LARGE1: variants seen among roughly 807,000 people sequenced by gnomAD.
LARGE1 encodes xylosyl- and glucuronyltransferase LARGE1.
Under a neutral mutation model 87.6 loss-of-function variants are expected in LARGE1, and 43 were observed. The observed-to-expected ratio is 0.49, with a 90% CI of 0.38 to 0.63. The LOEUF (loss-of-function observed/expected upper bound fraction) is 0.63. LARGE1 is among the 30% of genes least tolerant of loss of function. The pLI is 0.00. For missense variants in LARGE1, 802 were observed against 1,000.2 expected, an observed-to-expected ratio of 0.80 and a Z score of 2.67; for synonymous variants, 434 against 394.6, an observed-to-expected ratio of 1.10 and a Z score of -1.18.
chr22:33,291,142 C>T (rs747207877), intron 12 of LARGE1, among the ~76,000 whole-genome samples: 45 of 152,220 alleles, frequency 3.0e-4, no homozygotes, highest in Non-Finnish European at 2.2e-4. Flanking sequence ...CATGTCACAA[C>T]GCTGGCCAAT....
chr22:33,261,611 A>AG (rs5845076), intron 11 of LARGE1, among the ~76,000 whole-genome samples: 2 of 64,376 alleles, frequency 3.1e-5, no homozygotes, highest in Non-Finnish European at 5.0e-5. Flanking sequence ...ATCAAAAAAG[A>AG]AAAAAAAAAA....
intron 13 of LARGE1, among the ~76,000 whole-genome samples, chr22:33,279,895 C>G (rs777760175): frequency 6.6e-6 from 1 of 152,200 alleles, no homozygotes; most frequent in South Asian, 2.1e-4. Flanking sequence ...ATGGAGCCAT[C>G]AGGCCAGGGT....
chr22:33,761,511 G>C lies in LARGE1; in HGVS notation c.-35C>G, dbSNP rs374685017. 6.5e-7 allele frequency: 1 copy of C among 1,538,338 alleles called. No homozygotes were observed. Among genetic ancestry groups the C allele is most frequent in the Non-Finnish European group, 9.0e-7 (1 of 1,111,532 alleles). ...AGTGGCAATCCCTAATCCCAGCGCCGTTTCTCTGTCCGGAGCATGAAGTCC... is the reference window on the plus strand; with the variant it reads ...AGTGGCAATCCCTAATCCCAGCGCCCTTTCTCTGTCCGGAGCATGAAGTCC... On this transcript the variant is annotated 5_prime_UTR_variant, in exon 2 of 15. Coordinates refer to ENST00000397394, the MANE Select transcript of LARGE1 (RefSeq NM_133642.5).
rs531988422 is a variant in LARGE1, at chr22:33,907,394, G to A, written c.-83+12601C>T. On this transcript the variant is annotated intron_variant, in intron 1 of 14. Transcript: ENST00000397394. The stretch of plus-strand genomic sequence containing the variant: ...GTACAAATTTATTCGATCCTCCCTA[G>A]CCAGTCCCCATCACCGTCTGATAAT... Among the ~76,000 whole-genome samples the A allele has an allele frequency of 1.1e-4, 17 of 152,228 alleles. No homozygotes were observed. In the East Asian group the frequency reaches 3.3e-3, roughly 29 times the overall value.
At chr22:33,226,870 C>T (rs959965260) in intron 11 of LARGE1, among the ~76,000 whole-genome samples, 8 of 152,080 alleles carry the variant, frequency 5.3e-5, no homozygotes, top group African/African-American at 1.4e-4. Flanking sequence ...GCTGGGACTA[C>T]AGGCGCCTGC....
At chr22:33,651,006 G>C (rs923003929) in intron 2 of LARGE1, among the ~76,000 whole-genome samples, 2 of 151,576 alleles carry the variant, frequency 1.3e-5, no homozygotes, top group African/African-American at 2.4e-5. Context: ...ATACAAAGTG[G>C]GCGGATTGGG....
At chr22:33,546,161 G>A (rs754389385) in intron 6 of LARGE1, among the ~76,000 whole-genome samples, 1 of 152,190 alleles carries the variant, frequency 6.6e-6, no homozygotes, top group Non-Finnish European at 1.5e-5. Flanking sequence ...GCATGGCACA[G>A]CACGCTAAAT....
At chr22:33,652,404 G>A (rs1175647137) in intron 2 of LARGE1, among the ~76,000 whole-genome samples, 2 of 151,780 alleles carry the variant, frequency 1.3e-5, no homozygotes, top group African/African-American at 4.8e-5. Flanking sequence ...CATCTCCCAA[G>A]GATACTTATA....
intron 6 of LARGE1, among the ~76,000 whole-genome samples, chr22:33,552,334 T>G (rs2077551012): frequency 6.6e-6 from 1 of 152,102 alleles, no homozygotes; most frequent in African/African-American, 2.4e-5. Context: ...TGACCTCCCC[T>G]CTCTCCTTGC....
At chr22:33,548,590 T>C (rs1424499749) in intron 6 of LARGE1, among the ~76,000 whole-genome samples, 4 of 152,280 alleles carry the variant, frequency 2.6e-5, no homozygotes, top group African/African-American at 9.6e-5. Flanking sequence ...TAATTTTGTA[T>C]TTTTAGGAGA....
At chr22:33,432,710 G>A (rs994983687) in intron 6 of LARGE1, among the ~76,000 whole-genome samples, 2 of 152,084 alleles carry the variant, frequency 1.3e-5, no homozygotes, top group South Asian at 2.1e-4. Flanking sequence ...TAATTTACTC[G>A]TTTTCTGGGA....
chr22:33,703,163 G>A (rs915628109), intron 2 of LARGE1, among the ~76,000 whole-genome samples: 1 of 152,048 alleles, frequency 6.6e-6, no homozygotes, highest in Admixed American at 6.6e-5. Context: ...GACACAAGGA[G>A]GGGAACATCA....
chr22:33,665,497 G>C (rs568297350), intron 2 of LARGE1, among the ~76,000 whole-genome samples: 2 of 152,244 alleles, frequency 1.3e-5, no homozygotes, highest in South Asian at 4.1e-4. Flanking sequence ...TCAAGATTAG[G>C]GCTCCCTTAC....
chr22:33,909,227 T>C (rs1191645010), intron 1 of LARGE1, among the ~76,000 whole-genome samples: 1 of 152,162 alleles, frequency 6.6e-6, no homozygotes, highest in Non-Finnish European at 1.5e-5. Flanking sequence ...GACTTCCATA[T>C]CAAGCAAATG....
chr22:33,267,029 C>T (rs554330023), intron 11 of LARGE1, among the ~76,000 whole-genome samples: 6 of 151,720 alleles, frequency 4.0e-5, no homozygotes, highest in African/African-American at 1.2e-4. Flanking sequence ...CACTTGAGGC[C>T]AGGAGTTCGA....
At chr22:33,288,058 C>T (rs961946689) in intron 12 of LARGE1, among the ~76,000 whole-genome samples, 5 of 152,258 alleles carry the variant, frequency 3.3e-5, no homozygotes, top group East Asian at 1.9e-4. Context: ...ACATTAAGCA[C>T]GGGGTACATG....
intron 11 of LARGE1, among the ~76,000 whole-genome samples, chr22:33,226,640 C>T (rs1346642508): frequency 6.6e-6 from 1 of 152,124 alleles, no homozygotes; most frequent in African/African-American, 2.4e-5. Flanking sequence ...GAGGAAGCAA[C>T]AAAATAAAAA....
At chr22:33,168,569 T>C (rs1302739854) in intron 11 of LARGE1, among the ~76,000 whole-genome samples, 1 of 145,444 alleles carries the variant, frequency 6.9e-6, no homozygotes, top group African/African-American at 2.5e-5. Flanking sequence ...CTAATAAACA[T>C]AAAGCATGAA....
At chr22:33,786,276 T>C (rs2085638623) in intron 1 of LARGE1, among the ~76,000 whole-genome samples, 1 of 152,212 alleles carries the variant, frequency 6.6e-6, no homozygotes, top group Non-Finnish European at 1.5e-5. Flanking sequence ...CCAAAGTTCT[T>C]ATTCAAGCAT....
Sources: gnomAD v4.1 joint callset for allele counts (sites outside exome capture counted in the v4.1 genomes callset) on GRCh38, gnomAD v4.1.1 for gene constraint, MANE v1.5 for transcripts, NCBI Gene and HGNC (gene_info 2026-07-23, HGNC 2026-07-21) for gene names.